ZNF407: variants seen among roughly 807,000 people sequenced by gnomAD.
The protein encoded by ZNF407 is zinc finger protein 407.
ZNF407 carries 17 observed loss-of-function variants against 131.2 expected under a neutral mutation model. The ratio of observed to expected loss-of-function variants is 0.13; its 90% CI spans 0.09 to 0.19. The LOEUF is 0.19. Among genes scored for constraint, ZNF407 ranks in the 10% least tolerant of loss-of-function variants. The pLI is 1.00. For synonymous variants in ZNF407, 1,156 were observed against 1,062.0 expected, an observed-to-expected ratio of 1.09 and a Z score of -1.72; for missense variants, 2,681 against 2,830.6, an observed-to-expected ratio of 0.95 and a Z score of 1.20.
chr18:74,893,087 G>A (rs937487360), intron 7 of ZNF407, among the ~76,000 whole-genome samples: 3 of 152,100 alleles, frequency 2.0e-5, no homozygotes, highest in Non-Finnish European at 1.5e-5. Flanking sequence ...TTACTCGTCC[G>A]TTATTCAAGT....
intron 6 of ZNF407, among the ~76,000 whole-genome samples, chr18:74,884,181 G>A (rs947025707): frequency 6.6e-5 from 10 of 152,022 alleles, no homozygotes; most frequent in African/African-American, 2.4e-4. Context: ...CAAATATTTA[G>A]CAAACTTAAA....
intron 7 of ZNF407, 113 bp downstream of exon 7, chr18:74,890,151 C>A: frequency 8.4e-7 from 1 of 1,190,954 alleles, no homozygotes; most frequent in South Asian, 2.9e-5. Context: ...TTCATATATT[C>A]GGTTGGGAGC....
chr18:74,728,235 T>C (rs1435843471), intron 3 of ZNF407, among the ~76,000 whole-genome samples: 1 of 152,228 alleles, frequency 6.6e-6, no homozygotes, highest in African/African-American at 2.4e-5. Flanking sequence ...GAATTTGATA[T>C]ACGAAGTCAC....
intron 8 of ZNF407, among the ~76,000 whole-genome samples, chr18:74,941,294 G>A (rs916246579): frequency 5.9e-5 from 9 of 152,158 alleles, no homozygotes; most frequent in Non-Finnish European, 1.0e-4. Context: ...GTCTGAAGTC[G>A]GTGTAGCATG....
chr18:74,765,751 T>C (rs1255912425), intron 3 of ZNF407, among the ~76,000 whole-genome samples: 1 of 152,234 alleles, frequency 6.6e-6, no homozygotes, highest in East Asian at 1.9e-4. Flanking sequence ...GCATTCCAGC[T>C]GCCTGGCCTC....
chr18:74,729,572 G>A (rs1235542153), intron 3 of ZNF407, among the ~76,000 whole-genome samples: 1 of 152,018 alleles, frequency 6.6e-6, no homozygotes, highest in African/African-American at 2.4e-5. Flanking sequence ...AAGTATTTGT[G>A]AGGAGCGCTC....
intron 4 of ZNF407, among the ~76,000 whole-genome samples, chr18:74,843,005 C>CG (rs1762384419): frequency 6.6e-6 from 1 of 152,120 alleles, no homozygotes. Context: ...CATGAGCCAC[C>CG]GTGCCTGGCC....
intron 3 of ZNF407, among the ~76,000 whole-genome samples, chr18:74,745,959 T>C (rs1968659208): frequency 6.6e-6 from 1 of 152,178 alleles, no homozygotes; most frequent in Admixed American, 6.6e-5. Flanking sequence ...TACAGTCATG[T>C]GCTGATAAAT....
intron 8 of ZNF407, among the ~76,000 whole-genome samples, chr18:75,041,457 T>TCA (rs1246139829): frequency 4.6e-5 from 7 of 151,718 alleles, no homozygotes; most frequent in Non-Finnish European, 8.8e-5. Flanking sequence ...ACTCTCTCTC[T>TCA]CACACACACA....
intron 8 of ZNF407, among the ~76,000 whole-genome samples, chr18:75,056,149 G>T (rs1434407652): frequency 6.6e-6 from 1 of 152,148 alleles, no homozygotes; most frequent in Non-Finnish European, 1.5e-5. Context: ...CCTTAGGCCA[G>T]CTCCTGTCAG....
chr18:74,727,732 G>A (rs1029964813), intron 3 of ZNF407, among the ~76,000 whole-genome samples: 2 of 152,200 alleles, frequency 1.3e-5, no homozygotes, highest in African/African-American at 4.8e-5. Context: ...GCCATGCGCG[G>A]CAGGTAAGGA....
chr18:74,731,937 A>C (rs189580323), intron 3 of ZNF407, among the ~76,000 whole-genome samples: 1 of 152,042 alleles, frequency 6.6e-6, no homozygotes, highest in Non-Finnish European at 1.5e-5. Context: ...AACAAGCGCT[A>C]GGTCCTAGAA....
At chr18:75,052,527 G>A (rs149772675) in intron 8 of ZNF407, among the ~76,000 whole-genome samples, 1 of 152,254 alleles carries the variant, frequency 6.6e-6, no homozygotes, top group Non-Finnish European at 1.5e-5. Context: ...TTTGGGACTG[G>A]GAAGTTCCGG....
chr18:74,621,261 T>C (rs1214783500), intron 1 of ZNF407, among the ~76,000 whole-genome samples: 1 of 152,106 alleles, frequency 6.6e-6, no homozygotes, highest in Admixed American at 6.5e-5. Context: ...AGGTAATTCC[T>C]TTAGGAGTTA....
rs772295581 is a variant in ZNF407 at position 74,632,053 on chromosome 18, T to C, written c.1034T>C (p.Leu345Pro). 5.0e-5 allele frequency: 81 copies of C among 1,613,646 alleles called. No homozygotes were observed. The Middle Eastern group carries it at 6.6e-4, about 13-fold the overall frequency. ...CAAAGTGGTAGTAGCAGTGAGCTTC[T>C]TGTTGAAATGATGCCTTCCAGAAAT... is the stretch of plus-strand genomic sequence containing the variant. ...SKQSGSSSEL[L>P]VEMMPSRNTL... Residue 345 changes from leucine to proline, a missense_variant, in exon 2 of 9, where the codon CTT (leucine) becomes CCT (proline). By Grantham distance (98) the Leu-to-Pro change is moderately conservative (BLOSUM62 -3). This residue lies in a region of ZNF407 where 1,789 missense variants were observed against 1,748.7 expected (regional missense o/e 1.02). Coordinates refer to ENST00000299687, the MANE Select transcript of ZNF407 (RefSeq NM_017757.3).
At chr18:75,030,037 A>T (rs1490200426) in intron 8 of ZNF407, among the ~76,000 whole-genome samples, 1 of 152,218 alleles carries the variant, frequency 6.6e-6, no homozygotes, top group African/African-American at 2.4e-5. Flanking sequence ...TTTTCTAAGT[A>T]TATATAGTCC....
At chr18:75,039,343 T>C (rs1371008644) in intron 8 of ZNF407, among the ~76,000 whole-genome samples, 2 of 152,212 alleles carry the variant, frequency 1.3e-5, no homozygotes, top group African/African-American at 4.8e-5. Flanking sequence ...CATTTAGTTA[T>C]TCAAAAACCA....
intron 4 of ZNF407, among the ~76,000 whole-genome samples, chr18:74,807,322 C>T (rs1034259782): frequency 1.3e-5 from 2 of 152,104 alleles, no homozygotes; most frequent in African/African-American, 4.8e-5. Flanking sequence ...AAGGAGGGTC[C>T]TGTGGCTGTA....
At chr18:74,713,273 T>C (rs1967809716) in intron 3 of ZNF407, among the ~76,000 whole-genome samples, 1 of 151,740 alleles carries the variant, frequency 6.6e-6, no homozygotes, top group South Asian at 2.1e-4. Flanking sequence ...ACATGGGCAA[T>C]TTATACATTA....
Sources: allele counts gnomAD v4.1 joint callset (sites outside exome capture counted in the v4.1 genomes callset), GRCh38; gene constraint gnomAD v4.1.1; regional missense constraint gnomAD v4.1.1; transcripts MANE v1.5; gene names NCBI Gene and HGNC (gene_info 2026-07-23, HGNC 2026-07-21).